LMAN1: variants seen among roughly 807,000 people sequenced by gnomAD.
The protein encoded by LMAN1 is protein ERGIC-53.
In LMAN1, 32 loss-of-function variants were observed where a neutral mutation model predicts 67.8. The ratio of observed to expected loss-of-function variants is 0.47; its 90% CI spans 0.36 to 0.63. The LOEUF (loss-of-function observed/expected upper bound fraction) is 0.63, where lower values mean the gene tolerates loss of function less well. Ranked by LOEUF, LMAN1 falls within the 30% of genes least tolerant of loss-of-function variation. The probability of loss-of-function intolerance (pLI) is 0.00; values close to 1 mark genes in which losing one functional copy is unlikely to be tolerated. For missense variants in LMAN1, 632 were observed against 628.2 expected (o/e 1.01, Z -0.06); for synonymous variants, 235 against 219.3 (o/e 1.07, Z -0.63).
At chr18:59,358,017 G>A (rs1472219082) in intron 1 of LMAN1, among the ~76,000 whole-genome samples, 1 of 149,782 alleles carries the variant, frequency 6.7e-6, no homozygotes, top group Non-Finnish European at 1.5e-5. Context: ...AATTCAAACT[G>A]CCAGAGCTCC....
chr18:59,351,401 G>A (rs1033446241), intron 5 of LMAN1: 1 of 152,122 alleles, frequency 6.6e-6, no homozygotes, highest in African/African-American at 2.4e-5. Flanking sequence ...AGAAAGAAAA[G>A]GAATTATTAC....
chr18:59,347,620 T>A, intron 6 of LMAN1, 49 bp from the exon 7 acceptor site: 1 of 1,181,304 alleles, frequency 8.5e-7, no homozygotes, highest in Non-Finnish European at 1.2e-6. Context: ...AGGAGATTAC[T>A]TTTATCATTG....
chr18:59,343,769 G>A (rs759726347), intron 8 of LMAN1, among the ~76,000 whole-genome samples: 6 of 151,830 alleles, frequency 4.0e-5, no homozygotes, highest in Non-Finnish European at 7.4e-5. Flanking sequence ...GTCCTCAAAG[G>A]CAAACACAAG....
intron 10 of LMAN1, among the ~76,000 whole-genome samples, chr18:59,333,971 T>C: frequency 6.6e-6 from 1 of 152,228 alleles, no homozygotes; most frequent in Non-Finnish European, 1.5e-5. Context: ...TAAAAGTAGT[T>C]ACAAAATATC....
chr18:59,345,684 A>C (rs774412016), intron 8 of LMAN1, among the ~76,000 whole-genome samples: 14 of 152,182 alleles, frequency 9.2e-5, no homozygotes, highest in Non-Finnish European at 1.6e-4. Flanking sequence ...CATTCCTCCA[A>C]ATAACCATGG....
At chr18:59,333,856 A>C (rs1908084032) in intron 10 of LMAN1, among the ~76,000 whole-genome samples, 1 of 152,118 alleles carries the variant, frequency 6.6e-6, no homozygotes, top group Non-Finnish European at 1.5e-5. Flanking sequence ...CAAAAGAAAA[A>C]AAAAAAAGAG....
At chr18:59,342,987 T>C (rs1457770238) in intron 8 of LMAN1, among the ~76,000 whole-genome samples, 1 of 150,738 alleles carries the variant, frequency 6.6e-6, no homozygotes, top group Non-Finnish European at 1.5e-5. Context: ...CAGAAATCGG[T>C]AGCATTTTCA....
In LMAN1 at chr18:59,354,709, G is replaced by C. The variant is rs1368809921; in HGVS notation, c.478-129C>G. ...AAAATTTTAAAATAACCTGGCCTTG[G>C]CACTCAAGGAATTACTAAAGTTCTT... On this transcript the variant is annotated intron_variant, in intron 3 of 12. Coordinates refer to ENST00000251047, the MANE Select transcript of LMAN1 (RefSeq NM_005570.4). 3.8e-5 allele frequency: 21 copies of C among 545,924 alleles called. No homozygotes were observed. In the South Asian group the frequency reaches 5.3e-4, roughly 14 times the overall value. The allele number at this position is 545,924 out of a possible 1,614,324, so 33.8% of individuals were successfully genotyped here.
intron 5 of LMAN1, chr18:59,352,783 A>G (rs1412596061): frequency 4.5e-6 from 1 of 221,924 alleles, no homozygotes; most frequent in African/African-American, 2.3e-5. Context: ...TCTGCAACGC[A>G]GCATTTATCA....
At chr18:59,331,798 T>A (rs975270516) in intron 11 of LMAN1, among the ~76,000 whole-genome samples, 15 of 152,266 alleles carry the variant, frequency 9.9e-5, no homozygotes, top group African/African-American at 3.6e-4. Context: ...CAGTATATGA[T>A]GATGTTGCTG....
At chr18:59,351,838 T>C (rs1908550000) in intron 5 of LMAN1, among the ~76,000 whole-genome samples, 1 of 152,154 alleles carries the variant, frequency 6.6e-6, no homozygotes, top group Non-Finnish European at 1.5e-5. Context: ...AATGAAACTG[T>C]ACAGGGTGAA....
intron 1 of LMAN1, among the ~76,000 whole-genome samples, chr18:59,357,069 G>GA (rs1908676519): frequency 1.3e-5 from 2 of 151,786 alleles, no homozygotes; most frequent in East Asian, 3.9e-4. Flanking sequence ...AAAACGAAAA[G>GA]AAAAAAATGA....
chr18:59,351,088 C>G (rs754703884), intron 5 of LMAN1, among the ~76,000 whole-genome samples: 78 of 152,254 alleles, frequency 5.1e-4, no homozygotes, highest in Non-Finnish European at 9.3e-4. Context: ...CTGGGACAAG[C>G]TAGGGTGCAA....
intron 10 of LMAN1, among the ~76,000 whole-genome samples, chr18:59,335,374 G>A (rs544068866): frequency 6.6e-5 from 10 of 151,294 alleles, no homozygotes; most frequent in South Asian, 2.1e-4. Flanking sequence ...CAGAGGTTGC[G>A]GTGAGCCAAG....
intron 8 of LMAN1, among the ~76,000 whole-genome samples, chr18:59,344,452 T>C (rs1400036076): frequency 1.3e-5 from 2 of 152,118 alleles, no homozygotes; most frequent in African/African-American, 2.4e-5. Context: ...TATATATGTA[T>C]GTATATACTA....
At chr18:59,348,650 G>GT (rs1224261924) in intron 6 of LMAN1, among the ~76,000 whole-genome samples, 1 of 152,134 alleles carries the variant, frequency 6.6e-6, no homozygotes, top group Non-Finnish European at 1.5e-5. Context: ...TTTGTTTAAA[G>GT]TTTAGTCACC....
intron 4 of LMAN1, among the ~76,000 whole-genome samples, chr18:59,354,046 C>T (rs901985662): frequency 2.6e-5 from 4 of 152,020 alleles, no homozygotes; most frequent in African/African-American, 9.7e-5. Flanking sequence ...ATACGGAACC[C>T]ACAAATACAG....
At chr18:59,340,999 CAT>C (rs1908274631) in intron 8 of LMAN1, among the ~76,000 whole-genome samples, 1 of 151,908 alleles carries the variant, frequency 6.6e-6, no homozygotes, top group Non-Finnish European at 1.5e-5. Context: ...TAAAGACACA[CAT>C]AGACTGAAAG....
intron 1 of LMAN1, among the ~76,000 whole-genome samples, chr18:59,356,359 T>G (rs986021555): frequency 6.6e-6 from 1 of 152,208 alleles, no homozygotes; most frequent in African/African-American, 2.4e-5. Context: ...CTGTTTGATC[T>G]GTAGGCAAGT....
Sources: allele counts gnomAD v4.1 joint callset (sites outside exome capture counted in the v4.1 genomes callset), GRCh38; gene constraint gnomAD v4.1.1; transcripts MANE v1.5; gene names NCBI Gene and HGNC (gene_info 2026-07-23, HGNC 2026-07-21).